Variants in CNNM4 observed in about 807,000 individuals in gnomAD.
CNNM4 encodes the protein cyclin and CBS domain divalent metal cation transport mediator 4, also known as metal transporter CNNM4.
CNNM4 carries 32 observed loss-of-function variants against 53.7 expected under a neutral mutation model. The observed-to-expected ratio is 0.60, with a 90% CI of 0.45 to 0.80. CNNM4 has a LOEUF of 0.80. CNNM4 is among the 30% of genes least tolerant of loss of function. The pLI, the probability that CNNM4 is intolerant of heterozygous loss-of-function variation, is 0.00. For missense variants in CNNM4, 784 were observed against 1,022.0 expected (o/e 0.77, Z 3.17); for synonymous variants, 410 against 440.0 (o/e 0.93, Z 0.85).
chr2:96,807,859 G>C (rs2079223406), intron 5 of CNNM4, among the ~76,000 whole-genome samples: 1 of 152,086 alleles, frequency 6.6e-6, no homozygotes, highest in Admixed American at 6.5e-5. Context: ...TATGTCACTT[G>C]ATACAAGCTG....
At chr2:96,776,154 A>G (rs1226945715) in intron 1 of CNNM4, among the ~76,000 whole-genome samples, 4 of 147,356 alleles carry the variant, frequency 2.7e-5, no homozygotes, top group Non-Finnish European at 5.9e-5. Flanking sequence ...TCAGCCTCCC[A>G]AGTAGCTGGG....
At chr2:96,789,139 G>A (rs547500511) in intron 1 of CNNM4, among the ~76,000 whole-genome samples, 11 of 152,226 alleles carry the variant, frequency 7.2e-5, no homozygotes, top group African/African-American at 2.6e-4. Flanking sequence ...GAGGAGCGAG[G>A]GCACTACTCA....
In CNNM4 at chr2:96,801,150, T is replaced by C. The variant is rs1441712185; in HGVS notation, c.1948+1502T>C. 1.0e-6 allele frequency: 1 copy of C among 983,646 alleles called. No homozygotes were observed. Among genetic ancestry groups the C allele is most frequent in the East Asian group, 1.1e-4 (1 of 8,806 alleles). 60.9% of individuals were successfully genotyped at this position (983,646 alleles called of 1,614,324 possible). ...TGGCTCACAGGTAACGTGGCACAGC[T>C]GAGGGTCACGCTGCCACCTGCTGCC... On this transcript the variant is annotated intron_variant, in intron 5 of 6. Transcript: ENST00000377075. The surrounding 1 kb of genome is among the most constrained non-coding windows in gnomAD (Gnocchi z 5.6).
chr2:96,772,927 T>TA (rs1473926137), intron 1 of CNNM4, among the ~76,000 whole-genome samples: 2 of 139,608 alleles, frequency 1.4e-5, no homozygotes, highest in East Asian at 4.4e-4. Context: ...CACACACTCA[T>TA]ACCCCCCACA....
intron 1 of CNNM4, among the ~76,000 whole-genome samples, chr2:96,777,400 C>T (rs1173455161): frequency 6.6e-6 from 1 of 152,104 alleles, no homozygotes; most frequent in African/African-American, 2.4e-5. Context: ...AGGCTGGATG[C>T]AGTGATGCAA....
At chr2:96,798,905 C>T (rs1004579607) in intron 3 of CNNM4, 152 bp from the exon 4 acceptor site, 32 of 767,978 alleles carry the variant, frequency 4.2e-5, no homozygotes, top group Non-Finnish European at 6.2e-5. Context: ...TGCTCCCTCC[C>T]CAGGGAGGTG....
At chr2:96,802,615 T>C in intron 5 of CNNM4, among the ~76,000 whole-genome samples, 1 of 152,202 alleles carries the variant, frequency 6.6e-6, no homozygotes, top group East Asian at 1.9e-4. Context: ...ATGGGAACAA[T>C]GCGTGTACCC....
intron 5 of CNNM4, among the ~76,000 whole-genome samples, chr2:96,804,226 A>ATTT (rs772324853): frequency 4.7e-5 from 6 of 127,146 alleles, no homozygotes; most frequent in Non-Finnish European, 6.8e-5. Flanking sequence ...CACGTCACTA[A>ATTT]TTTTTTTTTT....
rs1212084575 is a variant in CNNM4, at chr2:96,810,699, C to T, written c.*1182C>T. ...CCTCTCCTCTGTGGCTGGCAAGGCT[C>T]ACCTGGCCTTATCCACCCACTTATG... On this transcript the variant is annotated 3_prime_UTR_variant, in exon 7 of 7. Transcript: ENST00000377075. The surrounding 1 kb of genome is among the most constrained non-coding windows in gnomAD (Gnocchi z 4.1). The T allele has an allele frequency of 6.6e-6, 1 of 152,262 alleles. No homozygotes were observed. Among genetic ancestry groups the T allele is most frequent in the African/African-American group, 2.4e-5 (1 of 41,452 alleles). 9.4% of individuals were successfully genotyped at this position (152,262 alleles called of 1,614,324 possible).
chr2:96,796,027 C>T (rs985100355), intron 1 of CNNM4, among the ~76,000 whole-genome samples: 1 of 151,976 alleles, frequency 6.6e-6, no homozygotes, highest in African/African-American at 2.4e-5. Context: ...GTAGTCTCTG[C>T]CCCACCTAAT....
At position 96,801,603 on chromosome 2, in the gene CNNM4, CAGAGACCACACACAGAGACCACACGCAG is replaced by C. The variant is rs995260477; in HGVS notation, c.1948+1970_1948+1997del. Among the ~76,000 whole-genome samples, 2 of 146,556 alleles carry C rather than the reference CAGAGACCACACACAGAGACCACACGCAG, an allele frequency of 1.4e-5. No homozygotes were observed. Among genetic ancestry groups the C allele is most frequent in the Non-Finnish European group, 3.0e-5 (2 of 66,830 alleles). On this transcript the variant is annotated intron_variant, in intron 5 of 6. Transcript: ENST00000377075. The surrounding 1 kb of genome is among the most constrained non-coding windows in gnomAD (Gnocchi z 5.6). Reference sequence around the variant, plus strand: ...CACACACACAGAGAGACCACACACACAGAGACCACACACAGAGACCACACGCAGAGAGACCACACACATGCAGAGAGAC... The same window carrying C: ...CACACACACAGAGAGACCACACACACAGAGACCACACACATGCAGAGAGAC...
intron 1 of CNNM4, among the ~76,000 whole-genome samples, chr2:96,772,220 ACT>A (rs1558982108): frequency 6.7e-6 from 1 of 149,438 alleles, no homozygotes; most frequent in Non-Finnish European, 1.5e-5. Flanking sequence ...TCACACACAC[ACT>A]CATACCCCCA....
intron 1 of CNNM4, among the ~76,000 whole-genome samples, chr2:96,769,819 C>T (rs147231721): frequency 1.3e-5 from 2 of 152,244 alleles, no homozygotes; most frequent in African/African-American, 2.4e-5. Flanking sequence ...ACCGGTTCTC[C>T]GTCAGCCCTG....
chr2:96,787,341 G>T (rs939500401), intron 1 of CNNM4, among the ~76,000 whole-genome samples: 1 of 152,136 alleles, frequency 6.6e-6, no homozygotes. Context: ...GGTAAAAAAT[G>T]AGTTCATTTT....
intron 1 of CNNM4, among the ~76,000 whole-genome samples, chr2:96,779,352 T>C (rs746140913): frequency 2.4e-4 from 37 of 152,034 alleles, no homozygotes; most frequent in Admixed American, 9.2e-4. Context: ...CTACCAAAAA[T>C]ACAAAAATTA....
intron 1 of CNNM4, among the ~76,000 whole-genome samples, chr2:96,790,003 AT>A (rs1014369887): frequency 2.6e-3 from 160 of 61,728 alleles, no homozygotes; most frequent in East Asian, 0.022. Context: ...CCGGGCTAGA[AT>A]TTTTTTTTTT....
At chr2:96,791,531 G>A (rs1363565549) in intron 1 of CNNM4, among the ~76,000 whole-genome samples, 1 of 151,554 alleles carries the variant, frequency 6.6e-6, no homozygotes, top group East Asian at 1.9e-4. Context: ...TAGTCAGGAG[G>A]CTGAGGCAGA....
intron 1 of CNNM4, among the ~76,000 whole-genome samples, chr2:96,782,986 T>G (rs1233288645): frequency 6.6e-6 from 1 of 152,126 alleles, no homozygotes; most frequent in Non-Finnish European, 1.5e-5. Context: ...CGGGAGGATC[T>G]CTTGGGGTCA....
Position 96,766,654 on chromosome 2 carries a change from G to A in CNNM4, c.1402+4253G>A, listed in dbSNP as rs2078821954. On this transcript the variant is annotated intron_variant, in intron 1 of 6. Coordinates refer to ENST00000377075, the MANE Select transcript of CNNM4 (RefSeq NM_020184.4). The stretch of plus-strand genomic sequence containing the variant: ...TTGCTGATTTACTGTGTTGTCTACT[G>A]TCTGTCTCCTCCCACTGGCATATAA... 2.0e-5 allele frequency among the ~76,000 whole-genome samples: 3 copies of A among 152,260 alleles called. No individual in the cohort carries two copies. In the South Asian group the frequency reaches 6.2e-4, roughly 32 times the overall value.
Sources: allele counts gnomAD v4.1 joint callset (sites outside exome capture counted in the v4.1 genomes callset), GRCh38; gene constraint gnomAD v4.1.1; non-coding constraint Gnocchi (gnomAD v3.1); transcripts MANE v1.5; gene names NCBI Gene and HGNC (gene_info 2026-07-23, HGNC 2026-07-21).